The following CACNA2D1 variants were observed in gnomAD, a reference collection of about 807,000 sequenced individuals.
CACNA2D1 encodes the protein calcium voltage-gated channel auxiliary subunit alpha2delta 1.
In CACNA2D1, 53 loss-of-function variants were observed where a neutral mutation model predicts 171.5. The observed-to-expected ratio is 0.31, with a 90% confidence interval of 0.25 to 0.39. The LOEUF (loss-of-function observed/expected upper bound fraction) is 0.39. Among genes scored for constraint, CACNA2D1 ranks in the 10% least tolerant of loss-of-function variants. The pLI, the probability that CACNA2D1 is intolerant of heterozygous loss-of-function variation, is 1.00. For synonymous variants in CACNA2D1, 442 were observed against 443.1 expected (o/e 1.00, Z 0.03); for missense variants, 903 against 1,299.8 (o/e 0.69, Z 4.69).
chr7:82,406,041 C>A (rs974312766), intron 1 of CACNA2D1, among the ~76,000 whole-genome samples: 1 of 152,070 alleles, frequency 6.6e-6, no homozygotes, highest in Non-Finnish European at 1.5e-5. Flanking sequence ...CCCTCCCCCT[C>A]CCCCAACCCT....
chr7:82,352,706 G>A (rs1433352270), intron 1 of CACNA2D1, among the ~76,000 whole-genome samples: 3 of 152,196 alleles, frequency 2.0e-5, no homozygotes, highest in Admixed American at 1.3e-4. Context: ...AGTGGTATGA[G>A]ACGGTTGATA....
intron 1 of CACNA2D1, among the ~76,000 whole-genome samples, chr7:82,439,632 T>C (rs1830352860): frequency 6.6e-6 from 1 of 151,518 alleles, no homozygotes; most frequent in African/African-American, 2.4e-5. Flanking sequence ...TCAGTCTGCT[T>C]AATTTTCATT....
intron 3 of CACNA2D1, among the ~76,000 whole-genome samples, chr7:82,241,044 A>T (rs1211631238): frequency 1.3e-5 from 2 of 152,252 alleles, no homozygotes; most frequent in Admixed American, 6.5e-5. Context: ...TACGATTTTA[A>T]CTGAATGGAG....
intron 12 of CACNA2D1, among the ~76,000 whole-genome samples, chr7:82,024,774 T>A (rs892389964): frequency 2.0e-5 from 3 of 151,738 alleles, no homozygotes; most frequent in Non-Finnish European, 4.4e-5. Flanking sequence ...TTTAACATTT[T>A]AGGTCTTAAA....
chr7:82,055,491 T>C (rs1224989504), intron 10 of CACNA2D1, among the ~76,000 whole-genome samples: 2 of 151,728 alleles, frequency 1.3e-5, no homozygotes, highest in African/African-American at 2.4e-5. Flanking sequence ...CTACTCACAA[T>C]AGCAAAGACT....
chr7:82,258,977 C>T (rs866065642), intron 3 of CACNA2D1, among the ~76,000 whole-genome samples: 6 of 151,694 alleles, frequency 4.0e-5, no homozygotes, highest in Admixed American at 2.6e-4. Context: ...TACAGGTGCA[C>T]GCCACCATGC....
Position 81,974,555 on chromosome 7 carries a change from G to T in CACNA2D1, c.1956-3C>A. On this transcript the variant is annotated splice_polypyrimidine_tract_variant and splice_region_variant and intron_variant, in intron 24 of 38. Coordinates refer to ENST00000356860, the MANE Select transcript of CACNA2D1 (RefSeq NM_000722.4). ...TTTTCAGGTCATTGCAGTAATCTCT[G>T]AAAAAAAAACATTTTGAGATATTAG... 1 of 1,345,000 alleles carries T rather than the reference G, an allele frequency of 7.4e-7. No homozygotes were observed. Among genetic ancestry groups the T allele is most frequent in the Non-Finnish European group, 1.1e-6 (1 of 951,962 alleles). The allele number at this position is 1,345,000 out of a possible 1,614,324, so 83.3% of individuals were successfully genotyped here. A position where few individuals can be genotyped will look rare whatever the true frequency, so the allele number is the denominator to read the frequency against.
intron 5 of CACNA2D1, among the ~76,000 whole-genome samples, chr7:82,133,626 A>G (rs1252915544): frequency 1.3e-5 from 2 of 152,224 alleles, no homozygotes; most frequent in Non-Finnish European, 2.9e-5. Context: ...GTAAAGATGT[A>G]CTGATATTTA....
chr7:82,182,562 G>A (rs34675279), intron 3 of CACNA2D1, among the ~76,000 whole-genome samples: 7 of 147,410 alleles, frequency 4.7e-5, no homozygotes, highest in East Asian at 2.0e-4. Context: ...TTTTTTCTGC[G>A]TTTTTTTTTT....
intron 3 of CACNA2D1, among the ~76,000 whole-genome samples, chr7:82,259,037 C>A (rs969645527): frequency 8.5e-5 from 13 of 152,108 alleles, no homozygotes; most frequent in African/African-American, 3.1e-4. Flanking sequence ...CCATGTTGGC[C>A]AGGCTGGTCT....
At chr7:82,338,397 T>G (rs1818245996) in intron 2 of CACNA2D1, among the ~76,000 whole-genome samples, 1 of 152,018 alleles carries the variant, frequency 6.6e-6, no homozygotes, top group Non-Finnish European at 1.5e-5. Context: ...GCAATGGCTA[T>G]TCACAGAGGC....
chr7:82,007,385 C>T (rs528778436), intron 16 of CACNA2D1, among the ~76,000 whole-genome samples: 18 of 152,174 alleles, frequency 1.2e-4, no homozygotes, highest in Admixed American at 1.1e-3. Flanking sequence ...AAAATGTGCA[C>T]ACAATATTAC....
chr7:82,399,118 CAG>C (rs1826063211), intron 1 of CACNA2D1, among the ~76,000 whole-genome samples: 1 of 152,108 alleles, frequency 6.6e-6, no homozygotes, highest in African/African-American at 2.4e-5. Flanking sequence ...TCATAAAAAT[CAG>C]AGTCAGCACT....
chr7:82,115,538 C>CAT (rs896467298), intron 6 of CACNA2D1, among the ~76,000 whole-genome samples: 21 of 151,620 alleles, frequency 1.4e-4, no homozygotes, highest in Admixed American at 2.6e-4. Context: ...CACACACACA[C>CAT]ATATATATAC....
intron 3 of CACNA2D1, among the ~76,000 whole-genome samples, chr7:82,219,060 G>C (rs1337544062): frequency 6.6e-6 from 1 of 152,054 alleles, no homozygotes; most frequent in Non-Finnish European, 1.5e-5. Context: ...TTATCAAAAA[G>C]ATGTTATTAA....
chr7:82,237,225 A>G (rs2129288864), intron 3 of CACNA2D1, among the ~76,000 whole-genome samples: 1 of 151,726 alleles, frequency 6.6e-6, no homozygotes, highest in Non-Finnish European at 1.5e-5. Context: ...CACTCTTAAT[A>G]CATTTCAAAA....
chr7:81,971,731 T>C (rs2130454250), intron 26 of CACNA2D1, 46 bp downstream of exon 26: 4 of 1,077,184 alleles, frequency 3.7e-6, no homozygotes, highest in Non-Finnish European at 5.8e-6. Flanking sequence ...AGAAACTAAA[T>C]TGAAATGCAG....
At chr7:82,191,181 T>C (rs1005077002) in intron 3 of CACNA2D1, among the ~76,000 whole-genome samples, 1 of 151,816 alleles carries the variant, frequency 6.6e-6, no homozygotes, top group African/African-American at 2.4e-5. Context: ...ATCACAAAAT[T>C]AGTAATTTGC....
intron 2 of CACNA2D1, among the ~76,000 whole-genome samples, chr7:82,343,760 A>C (rs1341394266): frequency 6.6e-6 from 1 of 152,160 alleles, no homozygotes; most frequent in African/African-American, 2.4e-5. Context: ...ATTCATATGC[A>C]ATTAGAAGTG....
Sources: gnomAD v4.1 joint callset for allele counts (sites outside exome capture counted in the v4.1 genomes callset) on GRCh38, gnomAD v4.1.1 for gene constraint, MANE v1.5 for transcripts, NCBI Gene and HGNC (gene_info 2026-07-23, HGNC 2026-07-21) for gene names.